The following LEPR variants were observed in gnomAD, a reference collection of about 807,000 sequenced individuals.
LEPR encodes the protein leptin receptor.
In LEPR, 56 loss-of-function variants were observed where a neutral mutation model predicts 114.7. The ratio of observed to expected loss-of-function variants is 0.49; its 90% confidence interval spans 0.39 to 0.61. The LOEUF is 0.61. LEPR is among the 20% of genes least tolerant of loss of function. The pLI is 0.00. For synonymous variants in LEPR, 443 were observed against 461.4 expected (o/e 0.96, Z 0.51); for missense variants, 1,202 against 1,352.9 (o/e 0.89, Z 1.75).
intron 4 of LEPR, 53 bp from the exon 5 acceptor site, chr1:65,572,273 T>C (rs1654238598): frequency 2.0e-6 from 3 of 1,477,838 alleles, no homozygotes; most frequent in African/African-American, 1.4e-5. Context: ...AGATGGTTTT[T>C]GAGATTTCAT....
intron 14 of LEPR, 121 bp from the exon 15 acceptor site, chr1:65,615,887 G>A: frequency 7.6e-7 from 1 of 1,313,450 alleles, no homozygotes; most frequent in Non-Finnish European, 1.1e-6. Flanking sequence ...CCTTGTAATA[G>A]TACCTGCCCT....
intron 2 of LEPR, among the ~76,000 whole-genome samples, chr1:65,477,930 G>A (rs896459642): frequency 6.6e-6 from 1 of 152,140 alleles, no homozygotes; most frequent in Non-Finnish European, 1.5e-5. Context: ...AGTTACTTGG[G>A]CCATTTTGGG....
At position 65,633,452 on chromosome 1, in the gene LEPR, T is replaced by A; in HGVS notation, c.2674-2739T>A. 1 of 1,247,912 alleles carries A rather than the reference T, an allele frequency of 8.0e-7. No individual in the cohort carries two copies. The highest frequency in any genetic ancestry group is 2.7e-5 in the South Asian group (1 of 36,462). 77.3% of individuals were successfully genotyped at this position (1,247,912 alleles called of 1,614,324 possible). On this transcript the variant is annotated intron_variant, in intron 19 of 19. Coordinates refer to ENST00000349533, the MANE Select transcript of LEPR (RefSeq NM_002303.6). The surrounding 1 kb of genome is among the most constrained non-coding windows in gnomAD (Gnocchi z 4.1). ...TTCATGATTTCTGGCTTTTGATTTG[T>A]CATATTCCTGGTCATAAAACATTAA... is the stretch of plus-strand genomic sequence containing the variant.
chr1:65,453,328 A>C (rs1646816204), intron 2 of LEPR, among the ~76,000 whole-genome samples: 1 of 151,870 alleles, frequency 6.6e-6, no homozygotes. Context: ...CTAGCTTTTG[A>C]ATGTGTTTGC....
chr1:65,478,120 G>A (rs1267968266), intron 2 of LEPR, among the ~76,000 whole-genome samples: 1 of 152,098 alleles, frequency 6.6e-6, no homozygotes, highest in East Asian at 1.9e-4. Context: ...TAGTAATTTT[G>A]ACCTAAATAT....
At chr1:65,496,333 G>A (rs1387855482) in intron 2 of LEPR, among the ~76,000 whole-genome samples, 1 of 152,170 alleles carries the variant, frequency 6.6e-6, no homozygotes, top group African/African-American at 2.4e-5. Flanking sequence ...AGGACTTTGG[G>A]AGGCCAAGGC....
At chr1:65,458,079 G>A (rs1646900120) in intron 2 of LEPR, among the ~76,000 whole-genome samples, 1 of 152,166 alleles carries the variant, frequency 6.6e-6, no homozygotes, top group Admixed American at 6.5e-5. Flanking sequence ...CCATAGTGCT[G>A]AGAACAGCTT....
intron 5 of LEPR, among the ~76,000 whole-genome samples, chr1:65,579,875 A>C (rs2100844071): frequency 6.6e-6 from 1 of 152,314 alleles, no homozygotes; most frequent in Middle Eastern, 3.4e-3. Context: ...TATAGCTGAG[A>C]ATTTTAGCTT....
intron 2 of LEPR, among the ~76,000 whole-genome samples, chr1:65,523,866 G>A (rs1163051812): frequency 6.6e-6 from 1 of 152,174 alleles, no homozygotes; most frequent in Non-Finnish European, 1.5e-5. Flanking sequence ...ATCTCGAGAT[G>A]AGACCATCCT....
At chr1:65,550,282 G>T (rs566506739) in intron 2 of LEPR, among the ~76,000 whole-genome samples, 1 of 152,332 alleles carries the variant, frequency 6.6e-6, no homozygotes, top group South Asian at 2.1e-4. Flanking sequence ...CCCACTTGAG[G>T]AGGCAGTCTG....
At position 65,621,409 on chromosome 1, in the gene LEPR, A is replaced by G. The variant is rs1256046734; in HGVS notation, c.2548A>G (p.Ile850Val). ...AGLYVIVPVI[I>V]SSSILLLGTL... Reference sequence around the variant, plus strand: ...TTTATATGTAATTGTGCCAGTAATTATTTCCTCTTCCATCTTATTGCTTGG... The same window carrying G: ...TTTATATGTAATTGTGCCAGTAATTGTTTCCTCTTCCATCTTATTGCTTGG... The change falls in exon 18 of 20, where the codon ATT (isoleucine) becomes GTT (valine). Residue 850 changes from isoleucine (I) to valine (V), a missense_variant. Ile to Val is a conservative substitution (Grantham distance 29). Transcript: ENST00000349533. The G allele has an allele frequency of 6.2e-7, 1 of 1,613,266 alleles. No homozygotes were observed. The highest frequency in any genetic ancestry group is 8.5e-7 in the Non-Finnish European group (1 of 1,179,626).
chr1:65,449,446 G>C (rs1267236081), intron 2 of LEPR, among the ~76,000 whole-genome samples: 3 of 151,956 alleles, frequency 2.0e-5, no homozygotes, highest in Non-Finnish European at 2.9e-5. Context: ...TCGGACCCTG[G>C]GGCAGCCGCA....
chr1:65,524,467 C>G (rs556622493), intron 2 of LEPR, among the ~76,000 whole-genome samples: 1 of 152,174 alleles, frequency 6.6e-6, no homozygotes, highest in African/African-American at 2.4e-5. Context: ...AAGTGACACT[C>G]GTTCTGAGAG....
intron 2 of LEPR, among the ~76,000 whole-genome samples, chr1:65,473,149 G>A (rs1426042545): frequency 2.0e-5 from 3 of 152,310 alleles, no homozygotes; most frequent in African/African-American, 7.2e-5. Flanking sequence ...GTGCCAAGGA[G>A]CTTCATATGC....
At chr1:65,558,550 T>TG (rs202012285) in intron 2 of LEPR, among the ~76,000 whole-genome samples, 4,172 of 40,078 alleles carry the variant, frequency 0.1, 416 homozygotes, top group East Asian at 0.25. Context: ...TTTTTTTTTG[T>TG]TTTTTTTTTT....
At chr1:65,433,782 A>G in intron 2 of LEPR, 1 of 947,680 alleles carries the variant, frequency 1.1e-6, no homozygotes, top group Non-Finnish European at 1.3e-6. Context: ...TTGTATTGTA[A>G]TAAATTTCAC....
At chr1:65,604,959 C>A (rs1224249933) in intron 10 of LEPR, 79 bp from the exon 11 acceptor site, 2 of 1,569,998 alleles carry the variant, frequency 1.3e-6, no homozygotes, top group African/African-American at 2.7e-5. Context: ...CTGTTTTAAA[C>A]AACAAATCAG....
At position 65,420,668 on chromosome 1, in the gene LEPR, A is replaced by G. The variant is rs1646226214; in HGVS notation, c.-169A>G. On this transcript the variant is annotated 5_prime_UTR_variant, in exon 1 of 20. Transcript: ENST00000349533. ...GGGCGACTCCCGGTCTGGCTTGGGC[A>G]GGCTGCCCGGGCCGTGGCAGGAAGC... is the stretch of plus-strand genomic sequence containing the variant. 3.9e-6 allele frequency: 6 copies of G among 1,556,196 alleles called. No individual in the cohort carries two copies. The highest frequency in any genetic ancestry group is 1.2e-5 in the South Asian group (1 of 84,618).
In LEPR at chr1:65,619,949, A is replaced by C; in HGVS notation, c.2417A>C (p.Lys806Thr). Reference protein sequence around the residue: ...YIHDHFIPIEKYQFSLYPIFM... With the variant: ...YIHDHFIPIETYQFSLYPIFM... Reference sequence around the variant, plus strand: ...TCAGATCATTTTATCCCCATTGAGAAGTACCAGTTCAGTCTTTACCCAATA... The same window carrying C: ...TCAGATCATTTTATCCCCATTGAGACGTACCAGTTCAGTCTTTACCCAATA... Residue 806 changes from lysine to threonine, a missense_variant, in exon 17 of 20, where the codon AAG (lysine) becomes ACG (threonine). Coordinates refer to ENST00000349533, the MANE Select transcript of LEPR (RefSeq NM_002303.6). 2.5e-6 allele frequency: 4 copies of C among 1,612,402 alleles called. No individual in the cohort carries two copies. The highest frequency in any genetic ancestry group is 3.4e-6 in the Non-Finnish European group (4 of 1,178,782).
Sources: allele counts gnomAD v4.1 joint callset (sites outside exome capture counted in the v4.1 genomes callset), GRCh38; gene constraint gnomAD v4.1.1; non-coding constraint Gnocchi (gnomAD v3.1); transcripts MANE v1.5; gene names NCBI Gene and HGNC (gene_info 2026-07-23, HGNC 2026-07-21).